GABRG3: variants seen among roughly 807,000 people sequenced by gnomAD.
GABRG3 encodes the protein gamma-aminobutyric acid receptor subunit gamma-3.
Under a neutral mutation model 48.8 loss-of-function variants are expected in GABRG3, and 25 were observed. That is an observed-to-expected ratio of 0.51 (90% CI 0.37 to 0.72). GABRG3 has a LOEUF of 0.72. Ranked by LOEUF, GABRG3 falls within the 30% of genes least tolerant of loss-of-function variation. GABRG3 has a pLI of 0.00. For synonymous variants in GABRG3, 227 were observed against 217.6 expected, an observed-to-expected ratio of 1.04 and a Z score of -0.38; for missense variants, 394 against 577.9, an observed-to-expected ratio of 0.68 and a Z score of 3.26.
At chr15:27,426,883 C>G (rs1270579299) in intron 5 of GABRG3, among the ~76,000 whole-genome samples, 1 of 152,104 alleles carries the variant, frequency 6.6e-6, no homozygotes, top group African/African-American at 2.4e-5. Context: ...TGCTGCTTCT[C>G]TGGTTGTGGC....
chr15:27,028,808 A>C (rs1257524079), intron 3 of GABRG3, among the ~76,000 whole-genome samples: 1 of 66,150 alleles, frequency 1.5e-5, no homozygotes, highest in Admixed American at 1.2e-4. Flanking sequence ...TTCATCTCAA[A>C]AAAAAAAAAA....
chr15:27,230,895 C>T (rs552310005), intron 3 of GABRG3, among the ~76,000 whole-genome samples: 13 of 152,210 alleles, frequency 8.5e-5, no homozygotes, highest in Admixed American at 8.5e-4. Context: ...CTGCAAAGTA[C>T]CATGCAGCAG....
At chr15:27,066,655 T>C (rs1191642877) in intron 3 of GABRG3, among the ~76,000 whole-genome samples, 2 of 152,152 alleles carry the variant, frequency 1.3e-5, no homozygotes, top group Non-Finnish European at 2.9e-5. Context: ...ACAGAATGTG[T>C]GGGCTGACCA....
At chr15:27,221,196 G>A (rs1216726308) in intron 3 of GABRG3, among the ~76,000 whole-genome samples, 2 of 152,084 alleles carry the variant, frequency 1.3e-5, no homozygotes, top group African/African-American at 2.4e-5. Flanking sequence ...AGAGACAGAA[G>A]CATGATGCTT....
chr15:26,994,928 T>A (rs1452982767), intron 2 of GABRG3, among the ~76,000 whole-genome samples: 1 of 152,056 alleles, frequency 6.6e-6, no homozygotes, highest in African/African-American at 2.4e-5. Context: ...AAATGTTTAT[T>A]CTGCTGTTAT....
In GABRG3 at chr15:27,448,326, G is replaced by A. The variant is rs76237891; in HGVS notation, c.575-32324G>A. Among the ~76,000 whole-genome samples, 266 of 152,266 alleles carry A rather than the reference G, an allele frequency of 1.7e-3. 2 individuals carry two copies. The highest frequency in any genetic ancestry group is 6.0e-3 in the African/African-American group (251 of 41,558). On this transcript the variant is annotated intron_variant, in intron 5 of 9. Coordinates refer to ENST00000615808, the MANE Select transcript of GABRG3 (RefSeq NM_033223.5). ...GGCACAAATGGGATCTGGAATTCAC[G>A]TGACTGGGGCTGGATCTGGAAGGCA... is the stretch of plus-strand genomic sequence containing the variant.
intron 3 of GABRG3, among the ~76,000 whole-genome samples, chr15:27,050,671 G>A (rs1896441317): frequency 6.6e-6 from 1 of 151,930 alleles, no homozygotes; most frequent in South Asian, 2.1e-4. Context: ...TTTTATTCTT[G>A]GGTGTTTTAT....
At chr15:27,225,143 C>A (rs1010763617) in intron 3 of GABRG3, among the ~76,000 whole-genome samples, 1 of 152,156 alleles carries the variant, frequency 6.6e-6, no homozygotes, top group Middle Eastern at 3.2e-3. Flanking sequence ...ACTGAAGTAT[C>A]TTAATTCTGT....
intron 3 of GABRG3, among the ~76,000 whole-genome samples, chr15:27,128,125 G>T (rs1897853302): frequency 6.6e-6 from 1 of 152,236 alleles, no homozygotes; most frequent in African/African-American, 2.4e-5. Flanking sequence ...ATTTTGGGAG[G>T]CCCAGGAGGG....
intron 3 of GABRG3, among the ~76,000 whole-genome samples, chr15:27,054,163 C>G (rs1387327879): frequency 6.6e-6 from 1 of 151,472 alleles, no homozygotes; most frequent in Non-Finnish European, 1.5e-5. Flanking sequence ...CCCTTGAGCC[C>G]GGGAGGCGGA....
intron 2 of GABRG3, among the ~76,000 whole-genome samples, chr15:26,995,433 A>G (rs1464162494): frequency 6.6e-6 from 1 of 151,898 alleles, no homozygotes; most frequent in East Asian, 1.9e-4. Context: ...TTGTTTAATC[A>G]ATTTATCTTG....
intron 5 of GABRG3, among the ~76,000 whole-genome samples, chr15:27,407,048 C>T (rs1887656529): frequency 6.6e-6 from 1 of 152,056 alleles, no homozygotes; most frequent in South Asian, 2.1e-4. Context: ...CTGCCTCACC[C>T]TCGGGAGTAG....
intron 5 of GABRG3, among the ~76,000 whole-genome samples, chr15:27,435,588 G>C (rs1487711307): frequency 1.3e-5 from 2 of 152,086 alleles, no homozygotes; most frequent in African/African-American, 4.8e-5. Flanking sequence ...TCAATAAATA[G>C]GTTGAGTGTA....
intron 3 of GABRG3, among the ~76,000 whole-genome samples, chr15:27,282,504 T>TTAA (rs1891468503): frequency 6.6e-6 from 1 of 152,226 alleles, no homozygotes; most frequent in Non-Finnish European, 1.5e-5. Context: ...TAAGCCCATT[T>TTAA]AGTAAGGTTT....
chr15:27,194,168 A>G (rs1037463452), intron 3 of GABRG3, among the ~76,000 whole-genome samples: 3 of 152,208 alleles, frequency 2.0e-5, no homozygotes, highest in Non-Finnish European at 4.4e-5. Context: ...ATGTGTAGAA[A>G]CTTTACTTTC....
At chr15:27,308,590 A>T (rs959095268) in intron 3 of GABRG3, among the ~76,000 whole-genome samples, 30 of 145,456 alleles carry the variant, frequency 2.1e-4, no homozygotes, top group East Asian at 6.4e-4. Context: ...ACATACATTT[A>T]TATATAAACA....
intron 3 of GABRG3, among the ~76,000 whole-genome samples, chr15:27,291,776 C>T (rs550040519): frequency 6.6e-6 from 1 of 152,330 alleles, no homozygotes; most frequent in Middle Eastern, 3.4e-3. Context: ...TGACTACACA[C>T]ATATGTGTCT....
intron 5 of GABRG3, among the ~76,000 whole-genome samples, chr15:27,454,098 G>A (rs1889191025): frequency 6.6e-6 from 1 of 152,232 alleles, no homozygotes; most frequent in African/African-American, 2.4e-5. Flanking sequence ...CCAGAAGTTA[G>A]AGGAAAAAGT....
intron 3 of GABRG3, among the ~76,000 whole-genome samples, chr15:27,315,680 A>G (rs1893188157): frequency 6.6e-6 from 1 of 152,246 alleles, no homozygotes; most frequent in Admixed American, 6.5e-5. Flanking sequence ...TATGAATACC[A>G]TATGAAATCT....
Sources: allele counts gnomAD v4.1 joint callset (sites outside exome capture counted in the v4.1 genomes callset), GRCh38; gene constraint gnomAD v4.1.1; transcripts MANE v1.5; gene names NCBI Gene and HGNC (gene_info 2026-07-23, HGNC 2026-07-21).